Variants in DLG2 observed in about 807,000 individuals in gnomAD.
The protein encoded by DLG2 is disks large homolog 2.
A neutral mutation model predicts 132.5 loss-of-function variants in DLG2; 45 were observed. The observed-to-expected ratio is 0.34, with a 90% CI of 0.27 to 0.44. The LOEUF is 0.44. Ranked by LOEUF, DLG2 falls within the 20% of genes least tolerant of loss-of-function variation. DLG2 has a pLI of 1.00. For missense variants in DLG2, 1,045 were observed against 1,196.9 expected (o/e 0.87, Z 1.87); for synonymous variants, 424 against 419.6 (o/e 1.01, Z -0.13).
At chr11:84,698,027 T>A (rs2058800079) in intron 6 of DLG2, among the ~76,000 whole-genome samples, 1 of 151,516 alleles carries the variant, frequency 6.6e-6, no homozygotes, top group African/African-American at 2.4e-5. Context: ...ATGTCTACCA[T>A]CAAAGAAGAA....
chr11:84,448,551 G>T (rs2099042339), intron 7 of DLG2, among the ~76,000 whole-genome samples: 1 of 151,970 alleles, frequency 6.6e-6, no homozygotes, highest in East Asian at 1.9e-4. Context: ...GCTGTCTGCA[G>T]CCCTATCCAC....
At chr11:85,263,391 C>T (rs1160407167) in intron 4 of DLG2, among the ~76,000 whole-genome samples, 1 of 152,146 alleles carries the variant, frequency 6.6e-6, no homozygotes, top group East Asian at 1.9e-4. Flanking sequence ...TGTGAGTTTG[C>T]CCAAAACGCA....
intron 8 of DLG2, among the ~76,000 whole-genome samples, chr11:84,170,517 G>T (rs559785980): frequency 7.2e-5 from 11 of 152,274 alleles, no homozygotes; most frequent in Admixed American, 6.5e-4. Flanking sequence ...CTGCAGAGGT[G>T]ACATAAAGGA....
chr11:84,075,806 A>T (rs908313758), intron 10 of DLG2, among the ~76,000 whole-genome samples: 1 of 152,226 alleles, frequency 6.6e-6, no homozygotes, highest in African/African-American at 2.4e-5. Flanking sequence ...TTCATGAAAT[A>T]AATTCAAATT....
At chr11:85,148,018 C>A (rs1240263700) in intron 5 of DLG2, among the ~76,000 whole-genome samples, 1 of 151,556 alleles carries the variant, frequency 6.6e-6, no homozygotes, top group Non-Finnish European at 1.5e-5. Flanking sequence ...GTTTTCTGTT[C>A]TTGTGTTAGT....
At chr11:85,592,840 G>C (rs2079457608) in intron 3 of DLG2, among the ~76,000 whole-genome samples, 1 of 151,716 alleles carries the variant, frequency 6.6e-6, no homozygotes, top group African/African-American at 2.4e-5. Context: ...GTAGTCCCAG[G>C]TACCAGGGAG....
At chr11:85,036,182 CCTT>C (rs1257223260) in intron 6 of DLG2, among the ~76,000 whole-genome samples, 1 of 152,176 alleles carries the variant, frequency 6.6e-6, no homozygotes, top group Non-Finnish European at 1.5e-5. Flanking sequence ...TACTCTCTTA[CCTT>C]CTTCAGGTTT....
At position 84,508,317 on chromosome 11, in the gene DLG2, T is replaced by C. The variant is rs117938316; in HGVS notation, c.519+26253A>G. On this transcript the variant is annotated intron_variant, in intron 7 of 27. Transcript: ENST00000376104. The stretch of plus-strand genomic sequence containing the variant: ...CGTTTTTATTACCTGTTGTCTTTCA[T>C]TGGTATATTCTCTCTCCAATATATT... Among the ~76,000 whole-genome samples the C allele has an allele frequency of 6.5e-4, 99 of 152,336 alleles. 3 individuals carry two copies. The East Asian group carries it at 0.019, about 28-fold the overall frequency.
chr11:84,447,247 T>C (rs1161990283), intron 7 of DLG2, among the ~76,000 whole-genome samples: 2 of 152,138 alleles, frequency 1.3e-5, no homozygotes, highest in Non-Finnish European at 2.9e-5. Context: ...GTATTGATAA[T>C]AGGAGCAAAT....
At chr11:84,911,128 A>G in intron 6 of DLG2, among the ~76,000 whole-genome samples, 1 of 152,120 alleles carries the variant, frequency 6.6e-6, no homozygotes, top group East Asian at 1.9e-4. Flanking sequence ...CCCACATGTT[A>G]TATTGTTTAT....
intron 9 of DLG2, among the ~76,000 whole-genome samples, chr11:84,102,584 T>C (rs72951840): frequency 0.064 from 9,798 of 152,214 alleles, 430 homozygotes; most frequent in Non-Finnish European, 0.099. Context: ...GGAGATGCAC[T>C]ACTCTGTAAG....
chr11:85,287,521 C>T (rs550125260), intron 3 of DLG2, among the ~76,000 whole-genome samples: 1 of 152,028 alleles, frequency 6.6e-6, no homozygotes, highest in African/African-American at 2.4e-5. Flanking sequence ...AGTACAAGGA[C>T]TAGAAAAAGA....
chr11:85,376,710 T>C (rs1045595667), intron 3 of DLG2, among the ~76,000 whole-genome samples: 5 of 152,314 alleles, frequency 3.3e-5, no homozygotes, highest in Admixed American at 1.3e-4. Flanking sequence ...GTATAAGTAC[T>C]GGAAAAATCA....
At chr11:85,335,894 T>C (rs569307218) in intron 3 of DLG2, among the ~76,000 whole-genome samples, 3 of 152,156 alleles carry the variant, frequency 2.0e-5, no homozygotes, top group Non-Finnish European at 4.4e-5. Context: ...TGTACACCTA[T>C]GTAACAAACC....
chr11:84,014,836 C>CTT (rs35189558), intron 11 of DLG2, among the ~76,000 whole-genome samples: 81 of 147,250 alleles, frequency 5.5e-4, no homozygotes, highest in African/African-American at 1.8e-3. Flanking sequence ...CTGATACAGA[C>CTT]TTTTTTTTTT....
chr11:84,010,335 A>G (rs952450476), intron 11 of DLG2, among the ~76,000 whole-genome samples: 12 of 151,492 alleles, frequency 7.9e-5, no homozygotes, highest in Admixed American at 5.9e-4. Context: ...ACCGGATCTA[A>G]CTGCTGGAGT....
intron 3 of DLG2, among the ~76,000 whole-genome samples, chr11:85,388,880 C>T (rs764291708): frequency 1.3e-5 from 2 of 152,116 alleles, no homozygotes; most frequent in Admixed American, 1.3e-4. Context: ...TTCCTTCTGA[C>T]AAAGTCTACT....
At chr11:84,340,374 C>A (rs1348241436) in intron 7 of DLG2, among the ~76,000 whole-genome samples, 2 of 152,066 alleles carry the variant, frequency 1.3e-5, no homozygotes, top group Non-Finnish European at 2.9e-5. Context: ...GATCACTAGA[C>A]AAATGTCAGT....
At chr11:83,670,015 T>C (rs893159501) in intron 18 of DLG2, among the ~76,000 whole-genome samples, 1 of 152,206 alleles carries the variant, frequency 6.6e-6, no homozygotes, top group Non-Finnish European at 1.5e-5. Flanking sequence ...AATTCTTTGG[T>C]CTCTTAGCTC....
Sources: allele counts gnomAD v4.1 joint callset (sites outside exome capture counted in the v4.1 genomes callset), GRCh38; gene constraint gnomAD v4.1.1; transcripts MANE v1.5; gene names NCBI Gene and HGNC (gene_info 2026-07-23, HGNC 2026-07-21).